The following ALK variants were observed in gnomAD, a reference collection of about 807,000 sequenced individuals.
The protein encoded by ALK is ALK receptor tyrosine kinase.
Under a neutral mutation model 163.1 loss-of-function variants are expected in ALK, and 74 were observed. The observed-to-expected ratio is 0.45, with a 90% CI of 0.38 to 0.55. ALK has a LOEUF of 0.55. Among genes scored for constraint, ALK ranks in the 20% least tolerant of loss-of-function variants. ALK has a pLI of 0.00. For missense variants in ALK, 2,063 were observed against 2,105.3 expected, an observed-to-expected ratio of 0.98 and a Z score of 0.39; for synonymous variants, 960 against 843.2, an observed-to-expected ratio of 1.14 and a Z score of -2.40.
intron 1 of ALK, among the ~76,000 whole-genome samples, chr2:29,720,203 C>A (rs1679381692): frequency 6.6e-6 from 1 of 151,710 alleles, no homozygotes; most frequent in African/African-American, 2.4e-5. Flanking sequence ...ATAATATATT[C>A]AGGGGTTTAA....
In ALK at chr2:29,203,485, CTTT is replaced by C. The variant is rs1156462365; in HGVS notation, c.3938+3683_3938+3685del. On this transcript the variant is annotated intron_variant, in intron 26 of 28. Coordinates refer to ENST00000389048, the MANE Select transcript of ALK (RefSeq NM_004304.5). ...TATCACCATTGGCCTGAGGATGTGC[CTTT>C]TTTTTTTTTTTTTTTTTTTTTTTTG... Among the ~76,000 whole-genome samples, 16 of 32,538 alleles carry C rather than the reference CTTT, an allele frequency of 4.9e-4. No individual in the cohort carries two copies. In the East Asian group the frequency reaches 5.0e-3, roughly 10 times the overall value. The allele number at this position is 32,538 out of a possible 152,430, so 21.3% of individuals were successfully genotyped here.
At chr2:29,251,690 G>T (rs1664819794) in intron 11 of ALK, among the ~76,000 whole-genome samples, 1 of 152,242 alleles carries the variant, frequency 6.6e-6, no homozygotes, top group South Asian at 2.1e-4. Flanking sequence ...ACCGAGCCTA[G>T]CACGGTGCTG....
intron 3 of ALK, among the ~76,000 whole-genome samples, chr2:29,626,926 C>T (rs942960857): frequency 9.2e-5 from 14 of 152,188 alleles, no homozygotes; most frequent in African/African-American, 3.4e-4. Flanking sequence ...AAAGAGAGCC[C>T]CTCTTGTTCC....
At chr2:29,689,067 A>T (rs906983293) in intron 3 of ALK, among the ~76,000 whole-genome samples, 4 of 152,074 alleles carry the variant, frequency 2.6e-5, no homozygotes, top group African/African-American at 7.2e-5. Context: ...CTATGAGGAC[A>T]CCTCCTACCC....
chr2:29,517,966 T>C (rs939316081), intron 4 of ALK, among the ~76,000 whole-genome samples: 1 of 152,204 alleles, frequency 6.6e-6, no homozygotes, highest in African/African-American at 2.4e-5. Context: ...ACTCCGTTTG[T>C]AAATTTACTT....
chr2:29,465,927 A>G (rs182757995), intron 4 of ALK, among the ~76,000 whole-genome samples: 34 of 152,322 alleles, frequency 2.2e-4, no homozygotes, highest in Non-Finnish European at 4.1e-4. Context: ...ATTAAAATGT[A>G]TTACAATAAT....
chr2:29,313,229 C>T (rs1450183316), intron 8 of ALK, among the ~76,000 whole-genome samples: 1 of 152,184 alleles, frequency 6.6e-6, no homozygotes, highest in African/African-American at 2.4e-5. Flanking sequence ...GGTAAACTGG[C>T]TCCAGGAAAT....
chr2:29,456,437 T>G (rs1011130012), intron 4 of ALK, among the ~76,000 whole-genome samples: 1 of 151,928 alleles, frequency 6.6e-6, no homozygotes, highest in Non-Finnish European at 1.5e-5. Flanking sequence ...CTTTAAGACA[T>G]GAGAAGTGAA....
intron 4 of ALK, among the ~76,000 whole-genome samples, chr2:29,480,522 T>C (rs1671636130): frequency 6.6e-6 from 1 of 152,152 alleles, no homozygotes; most frequent in South Asian, 2.1e-4. Context: ...ATCTCTAAAC[T>C]GTGTATGGTC....
chr2:29,507,906 C>T (rs1275730512), intron 4 of ALK, among the ~76,000 whole-genome samples: 1 of 152,184 alleles, frequency 6.6e-6, no homozygotes, highest in Non-Finnish European at 1.5e-5. Context: ...CCCAGCGTGG[C>T]TCTGCCGGCA....
chr2:29,725,154 C>CCAAAAAAAAAAA (rs1553352985), intron 1 of ALK, among the ~76,000 whole-genome samples: 1 of 67,396 alleles, frequency 1.5e-5, no homozygotes, highest in African/African-American at 6.8e-5. Context: ...TATCCTATAC[C>CCAAAAAAAAAAA]AAAAAAAAAA....
At chr2:29,830,509 C>A (rs1445719021) in intron 1 of ALK, among the ~76,000 whole-genome samples, 1 of 152,024 alleles carries the variant, frequency 6.6e-6, no homozygotes, top group Non-Finnish European at 1.5e-5. Flanking sequence ...CCATCCAGGG[C>A]TAAGACCCTT....
intron 1 of ALK, among the ~76,000 whole-genome samples, chr2:29,775,739 T>C (rs1480376036): frequency 6.6e-6 from 1 of 152,212 alleles, no homozygotes; most frequent in Non-Finnish European, 1.5e-5. Context: ...TAATTGTACC[T>C]GTCCATAGCC....
intron 1 of ALK, among the ~76,000 whole-genome samples, chr2:29,725,554 T>C (rs1397396667): frequency 6.6e-6 from 1 of 152,174 alleles, no homozygotes; most frequent in East Asian, 1.9e-4. Flanking sequence ...TCAACAAACA[T>C]GTTAATGACG....
rs1465967628 is a variant in ALK, at chr2:29,320,842, G to A, written c.1455C>T (p.Gly485=). 2 of 1,614,096 alleles carry A rather than the reference G, an allele frequency of 1.2e-6. No individual in the cohort carries two copies. The highest frequency in any genetic ancestry group is 1.3e-5 in the African/African-American group (1 of 74,942). ...GTGTGCCTTGGGTCCAGCCACAGAAGCCATCTTCAAAGTTGCAGTAAAAAC... is the reference window on the plus strand; with the variant it reads ...GTGTGCCTTGGGTCCAGCCACAGAAACCATCTTCAAAGTTGCAGTAAAAAC... ...PVGFYCNFED[G]FCGWTQGTLS... Residue 485 remains glycine, a synonymous_variant, in exon 7 of 29, where the codon GGC becomes GGT. Coordinates refer to ENST00000389048, the MANE Select transcript of ALK (RefSeq NM_004304.5).
intron 5 of ALK, among the ~76,000 whole-genome samples, chr2:29,337,283 C>T (rs752351123): frequency 1.1e-4 from 16 of 152,050 alleles, no homozygotes; most frequent in African/African-American, 1.7e-4. Context: ...TGTAAATCAG[C>T]GAGGAGCGGG....
intron 1 of ALK, among the ~76,000 whole-genome samples, chr2:29,799,958 G>T (rs1351697756): frequency 1.3e-5 from 2 of 152,246 alleles, no homozygotes; most frequent in South Asian, 2.1e-4. Flanking sequence ...AACTTTCTCT[G>T]TACCTGGCAC....
At chr2:29,627,921 G>A (rs1425812496) in intron 3 of ALK, among the ~76,000 whole-genome samples, 1 of 152,158 alleles carries the variant, frequency 6.6e-6, no homozygotes, top group Non-Finnish European at 1.5e-5. Flanking sequence ...ATGCTGAAAG[G>A]GGAAAGGAAT....
chr2:29,497,997 C>A (rs767978608), intron 4 of ALK, among the ~76,000 whole-genome samples: 3 of 152,148 alleles, frequency 2.0e-5, no homozygotes, highest in Non-Finnish European at 2.9e-5. Context: ...AGTCAAAATA[C>A]AATTTCTAAT....
Sources: allele counts gnomAD v4.1 joint callset (sites outside exome capture counted in the v4.1 genomes callset), GRCh38; gene constraint gnomAD v4.1.1; transcripts MANE v1.5; gene names NCBI Gene and HGNC (gene_info 2026-07-23, HGNC 2026-07-21).